MTCL1: variants seen among roughly 807,000 people sequenced by gnomAD.
The protein encoded by MTCL1 is microtubule cross-linking factor 1.
In MTCL1, 79 loss-of-function variants were observed where a neutral mutation model predicts 141.4. The observed-to-expected ratio is 0.56, with a 90% CI of 0.47 to 0.67. MTCL1 has a LOEUF of 0.67. MTCL1 is among the 30% of genes least tolerant of loss of function. The probability of loss-of-function intolerance (pLI) is 0.00; values close to 1 mark genes in which losing one functional copy is unlikely to be tolerated. For synonymous variants in MTCL1, 914 were observed against 875.8 expected (o/e 1.04, Z -0.77); for missense variants, 2,177 against 2,113.9 (o/e 1.03, Z -0.59).
intron 4 of MTCL1, among the ~76,000 whole-genome samples, chr18:8,722,388 G>A (rs1044554660): frequency 6.6e-6 from 1 of 152,080 alleles, no homozygotes; most frequent in Non-Finnish European, 1.5e-5. Context: ...GCAAGACCCT[G>A]TTTCTTAAAG....
rs1414449500 is a variant in MTCL1, at chr18:8,726,533, GCGC to G, written c.357+6038_357+6040del. On this transcript the variant is annotated intron_variant, in intron 4 of 16. Transcript: ENST00000359865. ...CAAGAGCGAGCGAGAGAGAGCGAGT[GCGC>G]ATGCGCGCGCGCAACAAGCAATGTT... is the stretch of plus-strand genomic sequence containing the variant. 1.9e-3 allele frequency among the ~76,000 whole-genome samples: 148 copies of G among 77,330 alleles called. 2 individuals carry two copies. The highest frequency in any genetic ancestry group is 7.8e-3 in the African/African-American group (140 of 18,000). 50.7% of individuals were successfully genotyped at this position (77,330 alleles called of 152,430 possible).
At chr18:8,768,909 A>G (rs1037074474) in intron 4 of MTCL1, among the ~76,000 whole-genome samples, 2 of 149,056 alleles carry the variant, frequency 1.3e-5, no homozygotes, top group African/African-American at 5.0e-5. Context: ...CTCCTGCCTC[A>G]GCCTGCCGAG....
At chr18:8,736,669 G>A (rs1021751924) in intron 4 of MTCL1, among the ~76,000 whole-genome samples, 2 of 132,776 alleles carry the variant, frequency 1.5e-5, no homozygotes, top group Non-Finnish European at 3.1e-5. Context: ...ATGGAGTCTC[G>A]CTCTGTCGCC....
chr18:8,712,390 T>C (rs1448037056), upstream of MTCL1, among the ~76,000 whole-genome samples: 4 of 152,158 alleles, frequency 2.6e-5, no homozygotes, highest in Admixed American at 1.3e-4. Context: ...GGCCCTGACC[T>C]GGTTTTTGAC....
chr18:8,796,331 A>G lies in MTCL1; in HGVS notation c.2110A>G (p.Lys704Glu). 1.9e-6 allele frequency: 3 copies of G among 1,614,170 alleles called. No individual in the cohort carries two copies. The African/African-American group carries it at 4.0e-5, about 22-fold the overall frequency. Residue 704 changes from lysine to glutamate, a missense_variant, in exon 9 of 17, where the codon AAG becomes GAG. Lys to Glu is a moderately conservative substitution (Grantham distance 56, BLOSUM62 1). Coordinates refer to ENST00000359865, the Ensembl canonical transcript of MTCL1. ...CCATGAGCGAACCTGGAGTGATGAG[A>G]AGAATCTGATGCAGCAGGAGCTCCG... is the stretch of plus-strand genomic sequence containing the variant.
chr18:8,715,521 C>G (rs1287489184), upstream of MTCL1, among the ~76,000 whole-genome samples: 1 of 152,132 alleles, frequency 6.6e-6, no homozygotes, highest in Admixed American at 6.5e-5. Flanking sequence ...CAGATATTGA[C>G]TTAGTGTTGA....
intron 4 of MTCL1, among the ~76,000 whole-genome samples, chr18:8,732,649 A>C (rs1440699801): frequency 2.6e-5 from 4 of 152,154 alleles, no homozygotes. Flanking sequence ...AGTCACCCAT[A>C]CATAGTTACA....
chr18:8,742,771 G>A (rs1043568797), intron 4 of MTCL1, among the ~76,000 whole-genome samples: 4 of 151,874 alleles, frequency 2.6e-5, no homozygotes, highest in African/African-American at 9.7e-5. Flanking sequence ...TCTTATTTTT[G>A]TATGGAAAAT....
At chr18:8,756,511 A>T (rs1197249636) in intron 4 of MTCL1, among the ~76,000 whole-genome samples, 5 of 150,468 alleles carry the variant, frequency 3.3e-5, no homozygotes, top group African/African-American at 1.2e-4. Context: ...GTGTGTATAT[A>T]TATGTGTGTA....
At position 8,822,375 on chromosome 18, in the gene MTCL1, A is replaced by G. The variant is rs1186055449; in HGVS notation, c.3188+877A>G. Among the ~76,000 whole-genome samples the G allele has an allele frequency of 6.6e-6, 1 of 152,038 alleles. No homozygotes were observed. The highest frequency in any genetic ancestry group is 6.5e-5 in the Admixed American group (1 of 15,272). On this transcript the variant is annotated intron_variant, in intron 14 of 16. Transcript: ENST00000359865. This position sits in a 1 kb window ranked among gnomAD's most constrained non-coding sequence, Gnocchi z 4.6. ...AGTGGCACAATCTTGGCTCACTGCA[A>G]CCTCTGCCCCCTGGGTTCAAGCAAT...
At chr18:8,726,101 A>G (rs12954206) in intron 4 of MTCL1, among the ~76,000 whole-genome samples, 36,384 of 147,982 alleles carry the variant, frequency 0.25, 5,499 homozygotes, top group Admixed American at 0.4. Flanking sequence ...TTGATACCGT[A>G]TTTTTAAGTG....
At chr18:8,758,327 C>G (rs1255888821) in intron 4 of MTCL1, among the ~76,000 whole-genome samples, 1 of 152,084 alleles carries the variant, frequency 6.6e-6, no homozygotes, top group African/African-American at 2.4e-5. Context: ...CTGGCCACAC[C>G]CACTCTTCTA....
intron 16 of MTCL1, 57 bp from the exon 15 acceptor site, chr18:8,831,550 A>G: frequency 6.5e-7 from 1 of 1,535,320 alleles, no homozygotes. Flanking sequence ...TGGGGGAATC[A>G]TCCACTGGTG....
At chr18:8,768,573 A>G (rs977786248) in intron 4 of MTCL1, among the ~76,000 whole-genome samples, 2 of 152,236 alleles carry the variant, frequency 1.3e-5, no homozygotes, top group Non-Finnish European at 2.9e-5. Flanking sequence ...CATTACATGC[A>G]TCTGAAAAAC....
intron 4 of MTCL1, among the ~76,000 whole-genome samples, chr18:8,739,317 G>A (rs1024666206): frequency 6.6e-6 from 1 of 152,172 alleles, no homozygotes; most frequent in African/African-American, 2.4e-5. Flanking sequence ...TCAGGAGCAG[G>A]CAGGGGCCTA....
exon 6 of MTCL1, chr18:8,784,422 G>A: frequency 6.5e-7 from 1 of 1,528,322 alleles, no homozygotes; most frequent in Non-Finnish European, 8.8e-7. Context: ...TCGGAGGCCA[G>A]CGAGCCATGC....
intron 4 of MTCL1, among the ~76,000 whole-genome samples, chr18:8,749,635 C>G (rs939116482): frequency 3.3e-5 from 5 of 152,140 alleles, no homozygotes; most frequent in Admixed American, 3.3e-4. Context: ...AATGGTGGGC[C>G]CGAGAGAGTG....
intron 4 of MTCL1, among the ~76,000 whole-genome samples, chr18:8,754,770 C>G (rs1193696209): frequency 2.0e-5 from 3 of 152,164 alleles, no homozygotes; most frequent in Non-Finnish European, 4.4e-5. Context: ...TTTATATTCT[C>G]TCTTGTTCTC....
intron 4 of MTCL1, among the ~76,000 whole-genome samples, chr18:8,722,700 T>A (rs543007805): frequency 6.5e-4 from 99 of 152,318 alleles, no homozygotes; most frequent in African/African-American, 2.3e-3. Flanking sequence ...GGTTTGGTCT[T>A]GCTGTCTCAG....
Sources: gnomAD v4.1 joint callset for allele counts (sites outside exome capture counted in the v4.1 genomes callset) on GRCh38, gnomAD v4.1.1 for gene constraint, Gnocchi (gnomAD v3.1) non-coding constraint, MANE v1.5 for transcripts, NCBI Gene and HGNC (gene_info 2026-07-23, HGNC 2026-07-21) for gene names.